The following BNC2 variants were observed in gnomAD, a reference collection of about 807,000 sequenced individuals.
BNC2 encodes zinc finger protein basonuclin-2.
BNC2 carries 20 observed loss-of-function variants against 76.3 expected under a neutral mutation model. The observed-to-expected ratio is 0.26, with a 90% CI of 0.18 to 0.38. BNC2 has a LOEUF of 0.38. Ranked by LOEUF, BNC2 falls within the 10% of genes least tolerant of loss-of-function variation. BNC2 has a pLI of 1.00. For missense variants in BNC2, 1,382 were observed against 1,399.8 expected, an observed-to-expected ratio of 0.99 and a Z score of 0.20; for synonymous variants, 582 against 514.8, an observed-to-expected ratio of 1.13 and a Z score of -1.77.
chr9:16,464,469 G>A (rs1460758896), intron 5 of BNC2, among the ~76,000 whole-genome samples: 2 of 152,066 alleles, frequency 1.3e-5, no homozygotes, highest in Non-Finnish European at 2.9e-5. Flanking sequence ...AAGCACAAAA[G>A]AGACACAATA....
chr9:16,822,225 A>C (rs1286873240), intron 1 of BNC2, among the ~76,000 whole-genome samples: 1 of 152,026 alleles, frequency 6.6e-6, no homozygotes, highest in Non-Finnish European at 1.5e-5. Flanking sequence ...AGGTTATAAC[A>C]ACAGTAATTA....
chr9:16,540,188 C>G (rs1013367507), intron 5 of BNC2, among the ~76,000 whole-genome samples: 8 of 134,052 alleles, frequency 6.0e-5, no homozygotes, highest in African/African-American at 2.3e-4. Flanking sequence ...TTGGTAACTG[C>G]AAGACACAAC....
At chr9:16,804,838 C>T (rs1277911253) in intron 1 of BNC2, among the ~76,000 whole-genome samples, 2 of 151,962 alleles carry the variant, frequency 1.3e-5, no homozygotes, top group South Asian at 2.1e-4. Context: ...CCGAGGCAGG[C>T]GGATCACAAG....
intron 3 of BNC2, among the ~76,000 whole-genome samples, chr9:16,716,528 C>T (rs775504459): frequency 1.3e-5 from 2 of 152,096 alleles, no homozygotes; most frequent in Non-Finnish European, 2.9e-5. Flanking sequence ...ATCACAACGA[C>T]ACAGCATTTC....
intron 4 of BNC2, among the ~76,000 whole-genome samples, chr9:16,579,382 A>C (rs1285954136): frequency 1.3e-5 from 2 of 152,122 alleles, no homozygotes; most frequent in African/African-American, 2.4e-5. Flanking sequence ...TCTTAGGCTC[A>C]ATCAAACCTC....
Position 16,539,740 on chromosome 9 carries a change from G to GGA in BNC2, c.669+12789_669+12790insTC, listed in dbSNP as rs1563830921. Among the ~76,000 whole-genome samples, 12 of 92,938 alleles carry GGA rather than the reference G, an allele frequency of 1.3e-4. 2 individuals carry two copies. The highest frequency in any genetic ancestry group is 6.4e-4 in the African/African-American group (12 of 18,694). The allele number at this position is 92,938 out of a possible 152,430, so 61.0% of individuals were successfully genotyped here. ...GAAGGGGAAGGAAAAGAGGGAAAGG[G>GGA]AAGGGAAGGGAAGGAAAGGAAAGGA... On this transcript the variant is annotated intron_variant, in intron 5 of 6. Coordinates refer to ENST00000380672, the MANE Select transcript of BNC2 (RefSeq NM_017637.6).
intron 5 of BNC2, among the ~76,000 whole-genome samples, chr9:16,457,628 A>G (rs1821482874): frequency 6.6e-6 from 1 of 152,166 alleles, no homozygotes; most frequent in African/African-American, 2.4e-5. Flanking sequence ...TTTTTGTGGG[A>G]GTGGTCACGT....
chr9:16,786,669 G>A (rs1016141067), intron 1 of BNC2, among the ~76,000 whole-genome samples: 3 of 152,096 alleles, frequency 2.0e-5, no homozygotes, highest in Admixed American at 1.3e-4. Flanking sequence ...CTCTAGCTCT[G>A]AACCCCAACT....
At chr9:16,552,451 C>T (rs534114453) in intron 5 of BNC2, 79 bp downstream of exon 5, 31 of 1,195,828 alleles carry the variant, frequency 2.6e-5, no homozygotes, top group African/African-American at 1.8e-4. Context: ...GCCCTTCCTG[C>T]GAGGTTTGTC....
chr9:16,698,634 C>T (rs942492570), intron 3 of BNC2, among the ~76,000 whole-genome samples: 7 of 151,732 alleles, frequency 4.6e-5, no homozygotes, highest in Non-Finnish European at 8.8e-5. Context: ...ACAGAGGTTG[C>T]GGTGAGCCAA....
intron 3 of BNC2, among the ~76,000 whole-genome samples, chr9:16,698,472 C>T (rs181519029): frequency 1.1e-3 from 168 of 152,270 alleles, no homozygotes; most frequent in African/African-American, 3.8e-3. Flanking sequence ...GGGAGGATCA[C>T]CTGAGGTCAG....
At chr9:16,845,500 T>C (rs985784798) in intron 1 of BNC2, among the ~76,000 whole-genome samples, 3 of 151,846 alleles carry the variant, frequency 2.0e-5, no homozygotes, top group African/African-American at 7.3e-5. Flanking sequence ...GGCGGGCGGA[T>C]CACAAGGTCA....
At chr9:16,504,485 T>C (rs1048548171) in intron 5 of BNC2, among the ~76,000 whole-genome samples, 16 of 152,084 alleles carry the variant, frequency 1.1e-4, no homozygotes, top group Non-Finnish European at 8.8e-5. Flanking sequence ...ACTTTGCTTT[T>C]TCCCTGAATT....
intron 2 of BNC2, among the ~76,000 whole-genome samples, chr9:16,733,886 A>AG (rs1356238537): frequency 6.7e-6 from 1 of 148,190 alleles, no homozygotes; most frequent in Non-Finnish European, 1.5e-5. Context: ...CTCCATCTGA[A>AG]AAAAAAAAAA....
At chr9:16,565,634 C>A (rs1221372486) in intron 4 of BNC2, among the ~76,000 whole-genome samples, 7 of 151,858 alleles carry the variant, frequency 4.6e-5, no homozygotes, top group African/African-American at 1.2e-4. Context: ...ACGGTGAGAC[C>A]CTGTCTCTAC....
intron 4 of BNC2, among the ~76,000 whole-genome samples, chr9:16,581,411 A>G (rs192974747): frequency 6.6e-6 from 1 of 152,328 alleles, no homozygotes; most frequent in East Asian, 1.9e-4. Context: ...TACAAAAATT[A>G]GCTGGGTGTG....
chr9:16,609,762 T>C (rs1473401027), intron 3 of BNC2, among the ~76,000 whole-genome samples: 1 of 152,146 alleles, frequency 6.6e-6, no homozygotes, highest in African/African-American at 2.4e-5. Context: ...AGATCACTGA[T>C]CTTTTTCTTT....
intron 4 of BNC2, among the ~76,000 whole-genome samples, chr9:16,571,843 A>G (rs560622014): frequency 6.6e-6 from 1 of 152,310 alleles, no homozygotes; most frequent in African/African-American, 2.4e-5. Context: ...AGACAAGAAC[A>G]TAATAAAATA....
At chr9:16,575,721 T>C (rs974848542) in intron 4 of BNC2, among the ~76,000 whole-genome samples, 1 of 152,138 alleles carries the variant, frequency 6.6e-6, no homozygotes, top group Admixed American at 6.5e-5. Flanking sequence ...AAAAGCCTCC[T>C]GTGCCAGGCA....
Sources: gnomAD v4.1 joint callset for allele counts (sites outside exome capture counted in the v4.1 genomes callset) on GRCh38, gnomAD v4.1.1 for gene constraint, MANE v1.5 for transcripts, NCBI Gene and HGNC (gene_info 2026-07-23, HGNC 2026-07-21) for gene names.